BPIFA1: variants seen among roughly 807,000 people sequenced by gnomAD.
BPIFA1 encodes BPI fold containing family A member 1.
Under a neutral mutation model 25.1 loss-of-function variants are expected in BPIFA1, and 24 were observed. That is an observed-to-expected ratio of 0.96 (90% confidence interval 0.69 to 1.35). BPIFA1 has a LOEUF of 1.35. Ranked by LOEUF, BPIFA1 falls within the 40% of genes most tolerant of loss-of-function variation. BPIFA1 has a pLI of 0.00. For missense variants in BPIFA1, 344 were observed against 303.7 expected (o/e 1.13, Z -0.99); for synonymous variants, 139 against 131.8 (o/e 1.05, Z -0.37).
chr20:33,239,976 AC>A (rs1385410695), intron 4 of BPIFA1, 66 bp downstream of exon 4: 285 of 1,509,176 alleles, frequency 1.9e-4, no homozygotes, highest in Non-Finnish European at 2.5e-4. Flanking sequence ...ACCATGGTTA[AC>A]CATAACGGGG....
intron 3 of BPIFA1, 85 bp from the exon 4 acceptor site, chr20:33,239,718 A>G (rs1440024076): frequency 2.3e-6 from 3 of 1,313,210 alleles, no homozygotes; most frequent in African/African-American, 1.5e-5. Flanking sequence ...TACCTCTGGG[A>G]TGGGTACTGT....
chr20:33,240,688 T>TAG (rs1218242277), intron 5 of BPIFA1, among the ~76,000 whole-genome samples: 1 of 133,896 alleles, frequency 7.5e-6, no homozygotes, highest in Non-Finnish European at 1.5e-5. Context: ...GATAGATAGA[T>TAG]AAAGTAGTAC....
intron 1 of BPIFA1, among the ~76,000 whole-genome samples, chr20:33,236,634 G>T (rs934770552): frequency 3.9e-5 from 6 of 152,206 alleles, no homozygotes; most frequent in Non-Finnish European, 8.8e-5. Context: ...TCTGCTGGCT[G>T]CCAAATAGAC....
chr20:33,240,353 C>T lies in BPIFA1; in HGVS notation c.549C>T (p.Ser183=), dbSNP rs138000825. The T allele has an allele frequency of 1.2e-6, 2 of 1,614,114 alleles. No homozygotes were observed. Among genetic ancestry groups the T allele is most frequent in the African/African-American group, 1.3e-5 (1 of 75,028 alleles). The stretch of plus-strand genomic sequence containing the variant: ...TGGTCCTTGGTGACTGCACCCATTC[C>T]CCTGGAAGCCTGCAAATTTCTCTGC... ...IHLVLGDCTH[S]PGSLQISLLD... is the part of the protein sequence containing the mutation. The change falls in exon 5 of 9, where the codon TCC becomes TCT. Residue 183 remains serine, a synonymous_variant. Coordinates refer to ENST00000354297, the MANE Select transcript of BPIFA1 (RefSeq NM_130852.3).
At position 33,240,331 on chromosome 20, in the gene BPIFA1, T is replaced by A; in HGVS notation, c.527T>A (p.Val176Asp). The change falls in exon 5 of 9, where the codon GTC becomes GAC. Residue 176 changes from valine (V) to aspartate (D), a missense_variant. Physicochemically the swap from Val to Asp is radical, Grantham distance 152 (BLOSUM62 -3). Coordinates refer to ENST00000354297, the MANE Select transcript of BPIFA1 (RefSeq NM_130852.3). The stretch of plus-strand genomic sequence containing the variant: ...GATAAGCAGGAGAGGATCCACCTGG[T>A]CCTTGGTGACTGCACCCATTCCCCT... ...VRDKQERIHLVLGDCTHSPGS... is the reference protein window; with the variant it reads ...VRDKQERIHLDLGDCTHSPGS... The A allele has an allele frequency of 6.2e-7, 1 of 1,614,114 alleles. No homozygotes were observed. The highest frequency in any genetic ancestry group is 8.5e-7 in the Non-Finnish European group (1 of 1,180,012).
At chr20:33,241,572 G>C in intron 6 of BPIFA1, 103 bp downstream of exon 6, 1 of 946,594 alleles carries the variant, frequency 1.1e-6, no homozygotes, top group South Asian at 1.4e-5. Context: ...AATTTGATAA[G>C]TAACTTCCAT....
At chr20:33,238,718 A>T (rs1351772490) in intron 3 of BPIFA1, among the ~76,000 whole-genome samples, 1 of 152,184 alleles carries the variant, frequency 6.6e-6, no homozygotes, top group African/African-American at 2.4e-5. Context: ...ATGTGATGAA[A>T]AACAGTGTGA....
intron 2 of BPIFA1, 26 bp downstream of exon 2, chr20:33,237,897 C>CGTGT (rs1568629925): frequency 2.4e-6 from 3 of 1,268,330 alleles, no homozygotes; most frequent in Non-Finnish European, 3.1e-6. Context: ...TGTATGTGTG[C>CGTGT]ATGTGTGTGT....
intron 5 of BPIFA1, among the ~76,000 whole-genome samples, chr20:33,240,722 A>G (rs1174907958): frequency 6.6e-6 from 1 of 152,148 alleles, no homozygotes; most frequent in Non-Finnish European, 1.5e-5. Context: ...GACCAAGCTA[A>G]CCAATTTTAT....
At position 33,237,802 on chromosome 20, in the gene BPIFA1, A is replaced by C; in HGVS notation, c.91A>C (p.Thr31Pro). The C allele has an allele frequency of 6.2e-7, 1 of 1,603,482 alleles. No homozygotes were observed. Among genetic ancestry groups the C allele is most frequent in the Middle Eastern group, 1.7e-4 (1 of 6,006 alleles). The change falls in exon 2 of 9, where the codon ACC becomes CCC. Residue 31 changes from threonine (T) to proline (P), a missense_variant. Coordinates refer to ENST00000354297, the MANE Select transcript of BPIFA1 (RefSeq NM_130852.3). ...AGGCCTGCCCGTGCCCCTGGACCAG[A>C]CCCTGCCCTTGAATGTGAATCCAGC... ...FGGLPVPLDQ[T>P]LPLNVNPALP...
chr20:33,242,263 TC>T, intron 7 of BPIFA1, 144 bp downstream of exon 7: 1 of 1,005,274 alleles, frequency 9.9e-7, no homozygotes, highest in Non-Finnish European at 1.5e-6. Context: ...CCCCGAATAA[TC>T]CAGATAATTT....
At chr20:33,237,898 A>ATGTGTG (rs11468029) in intron 2 of BPIFA1, 27 bp downstream of exon 2, 118 of 1,188,458 alleles carry the variant, frequency 9.9e-5, no homozygotes, top group African/African-American at 4.3e-4. Context: ...GTATGTGTGC[A>ATGTGTG]TGTGTGTGTG....
chr20:33,237,750 G>A lies in BPIFA1; in HGVS notation c.39G>A (p.Leu13=), dbSNP rs1171692114. 3.9e-6 allele frequency: 6 copies of A among 1,542,146 alleles called. No individual in the cohort carries two copies. The highest frequency in any genetic ancestry group is 4.7e-5 in the East Asian group (2 of 42,920). ...GGGGCCTCATTGTCTTCTACGGGCTGTTAGCCCAGACCATGGCCCAGTTTG... is the reference window on the plus strand; with the variant it reads ...GGGGCCTCATTGTCTTCTACGGGCTATTAGCCCAGACCATGGCCCAGTTTG... The part of the protein sequence containing the change: ...QTGGLIVFYG[L]LAQTMAQFGG... The change falls in exon 2 of 9, where the codon CTG becomes CTA. Residue 13 remains leucine, a synonymous_variant. Coordinates refer to ENST00000354297, the MANE Select transcript of BPIFA1 (RefSeq NM_130852.3).
chr20:33,240,320 G>C lies in BPIFA1; in HGVS notation c.516G>C (p.Arg172Ser), dbSNP rs377508040. Residue 172 changes from arginine to serine, a missense_variant, in exon 5 of 9, where the codon AGG (arginine) becomes AGC (serine). By Grantham distance (110) the Arg-to-Ser change is moderately radical. Coordinates refer to ENST00000354297, the MANE Select transcript of BPIFA1 (RefSeq NM_130852.3). ...EILAVRDKQE[R>S]IHLVLGDCTH... ...TAGCTGTGAGAGATAAGCAGGAGAG[G>C]ATCCACCTGGTCCTTGGTGACTGCA... 1.2e-6 allele frequency: 2 copies of C among 1,614,156 alleles called. No homozygotes were observed. Among genetic ancestry groups the C allele is most frequent in the Non-Finnish European group, 1.7e-6 (2 of 1,180,030 alleles).
chr20:33,238,424 T>A (rs1318092872), intron 3 of BPIFA1, among the ~76,000 whole-genome samples: 1 of 152,188 alleles, frequency 6.6e-6, no homozygotes, highest in African/African-American at 2.4e-5. Flanking sequence ...TCTAGGCATG[T>A]CCTGAGGCCC....
intron 7 of BPIFA1, 69 bp from the exon 8 acceptor site, chr20:33,242,418 G>A: frequency 6.4e-7 from 1 of 1,571,438 alleles, no homozygotes; most frequent in Non-Finnish European, 8.7e-7. Context: ...CCACCTTGAG[G>A]AATATGGACT....
Position 33,240,279 on chromosome 20 carries a change from A to T in BPIFA1, c.475A>T (p.Ile159Phe), listed in dbSNP as rs369242197. Residue 159 changes from isoleucine (I) to phenylalanine (F), a missense_variant, in exon 5 of 9, where the codon ATC becomes TTC. Physicochemically the swap from Ile to Phe is conservative, Grantham distance 21. Transcript: ENST00000354297. Reference protein sequence around the residue: ...SLLRLAVKLDITAEILAVRDK... With the variant: ...SLLRLAVKLDFTAEILAVRDK... The stretch of plus-strand genomic sequence containing the variant: ...GTTGAGGCTGGCTGTGAAGCTGGAC[A>T]TCACTGCAGAAATCTTAGCTGTGAG... 3.7e-6 allele frequency: 6 copies of T among 1,614,060 alleles called. No individual in the cohort carries two copies. Among genetic ancestry groups the T allele is most frequent in the East Asian group, 2.2e-5 (1 of 44,892 alleles).
chr20:33,241,609 A>G (rs1035296225), intron 6 of BPIFA1, 140 bp downstream of exon 6: 5 of 770,252 alleles, frequency 6.5e-6, no homozygotes, highest in Non-Finnish European at 1.1e-5. Context: ...CCATTGATCC[A>G]TCTGTCCATG....
At chr20:33,237,613 C>T in intron 1 of BPIFA1, 84 bp from the exon 2 acceptor site, 1 of 1,197,390 alleles carries the variant, frequency 8.4e-7, no homozygotes, top group East Asian at 2.9e-5. Context: ...AGCAAACAAC[C>T]CCACCCCCCA....
Sources: gnomAD v4.1 joint callset for allele counts (sites outside exome capture counted in the v4.1 genomes callset) on GRCh38, gnomAD v4.1.1 for gene constraint, MANE v1.5 for transcripts, NCBI Gene and HGNC (gene_info 2026-07-23, HGNC 2026-07-21) for gene names.